The following NEBL variants were observed in gnomAD, a reference collection of about 807,000 sequenced individuals.
The protein encoded by NEBL is nebulette, also known as LIM and SH3 protein 2.
A neutral mutation model predicts 140.2 loss-of-function variants in NEBL; 122 were observed. That is an observed-to-expected ratio of 0.87 (90% CI 0.75 to 1.01). The LOEUF is 1.01. Ranked by LOEUF, NEBL falls within the 50% of genes least tolerant of loss-of-function variation. NEBL has a pLI of 0.00. For synonymous variants in NEBL, 436 were observed against 398.9 expected (o/e 1.09, Z -1.11); for missense variants, 1,365 against 1,231.3 (o/e 1.11, Z -1.62).
intron 3 of NEBL, among the ~76,000 whole-genome samples, chr10:20,981,142 A>G (rs1351435539): frequency 6.6e-6 from 1 of 152,150 alleles, no homozygotes; most frequent in Non-Finnish European, 1.5e-5. Context: ...TTAAACACAC[A>G]GGTTAATTCA....
intron 3 of NEBL, among the ~76,000 whole-genome samples, chr10:21,239,556 C>T (rs1031357983): frequency 1.3e-5 from 2 of 152,094 alleles, no homozygotes; most frequent in Non-Finnish European, 2.9e-5. Context: ...GAGTGCTGCT[C>T]CCCTAAAAGC....
chr10:20,838,586 G>A (rs535341126), intron 13 of NEBL, among the ~76,000 whole-genome samples: 2 of 152,280 alleles, frequency 1.3e-5, no homozygotes, highest in Admixed American at 1.3e-4. Context: ...GGTTTGAGAG[G>A]TTGGTCTCTA....
chr10:20,945,258 T>C (rs977415679), intron 4 of NEBL, among the ~76,000 whole-genome samples: 3 of 152,104 alleles, frequency 2.0e-5, no homozygotes, highest in African/African-American at 7.2e-5. Context: ...CTGTAAGCCA[T>C]CTGGGACCGT....
chr10:21,148,661 G>C (rs1206071472), intron 2 of NEBL, among the ~76,000 whole-genome samples: 1 of 152,088 alleles, frequency 6.6e-6, no homozygotes, highest in Non-Finnish European at 1.5e-5. Flanking sequence ...GAGTAGCTGA[G>C]ACTGCAGGCA....
intron 2 of NEBL, among the ~76,000 whole-genome samples, chr10:21,169,809 A>G (rs45541137): frequency 2.7e-4 from 41 of 152,368 alleles, no homozygotes; most frequent in Middle Eastern, 3.4e-3. Context: ...AATTCAACTT[A>G]AAACTAAAAA....
intron 3 of NEBL, among the ~76,000 whole-genome samples, chr10:21,206,149 T>C (rs1841821728): frequency 1.3e-5 from 2 of 152,198 alleles, no homozygotes; most frequent in South Asian, 2.1e-4. Context: ...AAAATGATCA[T>C]TGGATTATAT....
chr10:21,077,606 C>CA (rs931932184), intron 2 of NEBL, among the ~76,000 whole-genome samples: 5 of 151,036 alleles, frequency 3.3e-5, no homozygotes, highest in Middle Eastern at 3.4e-3. Context: ...GACTTCATCT[C>CA]AAAAAAAATA....
intron 4 of NEBL, among the ~76,000 whole-genome samples, chr10:20,957,131 T>G (rs983651066): frequency 2.0e-5 from 3 of 152,224 alleles, no homozygotes; most frequent in Admixed American, 1.3e-4. Flanking sequence ...TTGAATCAAA[T>G]CTTTTAATAG....
intron 4 of NEBL, among the ~76,000 whole-genome samples, chr10:20,952,358 A>C (rs1835517253): frequency 6.6e-6 from 1 of 151,076 alleles, no homozygotes; most frequent in Non-Finnish European, 1.5e-5. Flanking sequence ...AATCACTTGA[A>C]CCCAGGAGGC....
At chr10:21,247,595 CT>C (rs1480848184) in intron 3 of NEBL, among the ~76,000 whole-genome samples, 1 of 152,180 alleles carries the variant, frequency 6.6e-6, no homozygotes, top group Admixed American at 6.5e-5. Flanking sequence ...TCATCCTCTA[CT>C]GAAAATCTGT....
At chr10:21,159,214 C>A (rs1840454449) in intron 2 of NEBL, among the ~76,000 whole-genome samples, 1 of 152,122 alleles carries the variant, frequency 6.6e-6, no homozygotes, top group African/African-American at 2.4e-5. Context: ...ACTTGAGCCA[C>A]CTTTTTTTCT....
At chr10:20,951,264 A>G (rs893301571) in intron 4 of NEBL, among the ~76,000 whole-genome samples, 4 of 152,188 alleles carry the variant, frequency 2.6e-5, no homozygotes, top group Non-Finnish European at 4.4e-5. Context: ...TAGGTCCTTC[A>G]GACAGAAATT....
At chr10:21,213,423 G>A (rs1307173278) in intron 3 of NEBL, among the ~76,000 whole-genome samples, 1 of 151,578 alleles carries the variant, frequency 6.6e-6, no homozygotes, top group East Asian at 1.9e-4. Context: ...GCGGAGGACG[G>A]GGGAAGCTTC....
At chr10:20,831,008 T>C (rs1564363518) in intron 16 of NEBL, 188 bp downstream of exon 16, 11 of 627,666 alleles carry the variant, frequency 1.8e-5, no homozygotes, top group Non-Finnish European at 2.9e-5. Context: ...GTCTGTTGCA[T>C]TGAATCTATG....
chr10:21,234,651 G>C (rs1321534061), intron 3 of NEBL, among the ~76,000 whole-genome samples: 2 of 152,066 alleles, frequency 1.3e-5, no homozygotes, highest in South Asian at 4.1e-4. Context: ...CCCTCTCTCT[G>C]CTCCAGCCCA....
intron 4 of NEBL, among the ~76,000 whole-genome samples, chr10:20,959,776 A>G (rs1835969412): frequency 6.6e-6 from 1 of 151,976 alleles, no homozygotes; most frequent in South Asian, 2.1e-4. Flanking sequence ...GACATCGCAA[A>G]AAGTTTTTTT....
At chr10:21,019,188 A>C (rs1481376069) in intron 3 of NEBL, among the ~76,000 whole-genome samples, 2 of 152,190 alleles carry the variant, frequency 1.3e-5, no homozygotes, top group Non-Finnish European at 2.9e-5. Context: ...CAGTCATAGA[A>C]TATCTTCTCA....
At chr10:21,272,615 A>G (rs1044314005) in intron 1 of NEBL, among the ~76,000 whole-genome samples, 4 of 152,164 alleles carry the variant, frequency 2.6e-5, no homozygotes, top group Middle Eastern at 3.4e-3. Flanking sequence ...ATAACAAAAC[A>G]CCAGGGGTTC....
chr10:20,897,195 G>T lies in NEBL; in HGVS notation c.11C>A (p.Pro4His). 6.3e-7 allele frequency: 1 copy of T among 1,595,896 alleles called. No individual in the cohort carries two copies. ...TTCATCTTTTATATCCTCAAATACAGGGACCCTCATTTTTACCCTTTAAAA... is the reference window on the plus strand; with the variant it reads ...TTCATCTTTTATATCCTCAAATACATGGACCCTCATTTTTACCCTTTAAAA... Reference protein sequence around the residue: MRVPVFEDIKDETE... With the variant: MRVHVFEDIKDETE... Residue 4 changes from proline (P) to histidine (H), a missense_variant, in exon 1 of 28, where the codon CCT (proline) becomes CAT (histidine). Physicochemically the swap from Pro to His is moderately conservative, Grantham distance 77 (BLOSUM62 -2). This residue lies in a region of NEBL where 1,323 missense variants were observed against 1,154.8 expected (regional missense o/e 1.15). Transcript: ENST00000377122.
Sources: gnomAD v4.1 joint callset for allele counts (sites outside exome capture counted in the v4.1 genomes callset) on GRCh38, gnomAD v4.1.1 for gene constraint, gnomAD v4.1.1 regional missense constraint, MANE v1.5 for transcripts, NCBI Gene and HGNC (gene_info 2026-07-23, HGNC 2026-07-21) for gene names.